The following LRRC39 variants were observed in gnomAD, a reference collection of about 807,000 sequenced individuals.
LRRC39 encodes the protein leucine-rich repeat-containing protein 39.
LRRC39 carries 35 observed loss-of-function variants against 39.7 expected under a neutral mutation model. The ratio of observed to expected loss-of-function variants is 0.88; its 90% CI spans 0.67 to 1.17. The LOEUF is 1.17. Among genes scored for constraint, LRRC39 ranks in the 50% most tolerant of loss-of-function variants. The pLI, the probability that LRRC39 is intolerant of heterozygous loss-of-function variation, is 0.00. For synonymous variants in LRRC39, 113 were observed against 134.1 expected, an observed-to-expected ratio of 0.84 and a Z score of 1.09; for missense variants, 357 against 385.8, an observed-to-expected ratio of 0.93 and a Z score of 0.62.
At chr1:100,149,656 A>G (rs1657759961) in intron 9 of LRRC39, 1 of 373,534 alleles carries the variant, frequency 2.7e-6, no homozygotes, top group African/African-American at 2.2e-5. Flanking sequence ...GGAATAAAAT[A>G]GAAATTAGAT....
intron 2 of LRRC39, 130 bp from the exon 3 acceptor site, chr1:100,168,724 C>A: frequency 2.3e-6 from 1 of 444,238 alleles, no homozygotes; most frequent in Non-Finnish European, 3.9e-6. Context: ...CATGCCATAT[C>A]ATATTTAAAA....
chr1:100,156,567 G>T (rs1319693594), intron 6 of LRRC39, among the ~76,000 whole-genome samples: 1 of 152,194 alleles, frequency 6.6e-6, no homozygotes, highest in Non-Finnish European at 1.5e-5. Context: ...TGGTTTCAGG[G>T]TTTATAGAAT....
At chr1:100,152,573 A>C (rs1288383964) in intron 8 of LRRC39, 49 bp from the exon 9 acceptor site, 2 of 1,581,756 alleles carry the variant, frequency 1.3e-6, no homozygotes, top group Non-Finnish European at 1.7e-6. Flanking sequence ...ATGGAAGTGT[A>C]CATTTATTTC....
chr1:100,162,396 G>A (rs1173585683), intron 3 of LRRC39, among the ~76,000 whole-genome samples: 1 of 152,086 alleles, frequency 6.6e-6, no homozygotes, highest in East Asian at 1.9e-4. Flanking sequence ...GCTCACACCT[G>A]TAATCCCAGC....
rs1324469896 is a variant in LRRC39, at chr1:100,155,190, G to A, written c.673C>T (p.His225Tyr). The part of the protein sequence containing the change: ...PDTIERMQNL[H>Y]TLWLQRNEIT... ...TCATTTCGTTGCAGCCATAACGTATGTAGATTTTGCATTCTGAAAAATTAA... is the reference window on the plus strand; with the variant it reads ...TCATTTCGTTGCAGCCATAACGTATATAGATTTTGCATTCTGAAAAATTAA... Residue 225 changes from histidine (H) to tyrosine (Y), a missense_variant, in exon 8 of 10, where the codon CAT becomes TAT. Transcript: ENST00000370137. 6.3e-7 allele frequency: 1 copy of A among 1,586,636 alleles called. No individual in the cohort carries two copies.
At chr1:100,176,969 G>A (rs12134314) in intron 1 of LRRC39, among the ~76,000 whole-genome samples, 367 of 152,242 alleles carry the variant, frequency 2.4e-3, no homozygotes, top group Non-Finnish European at 4.0e-3. Flanking sequence ...CCACATCTTC[G>A]AAGTGGGGAA....
At chr1:100,173,049 A>T (rs913196842) in intron 2 of LRRC39, among the ~76,000 whole-genome samples, 1 of 151,526 alleles carries the variant, frequency 6.6e-6, no homozygotes, top group Non-Finnish European at 1.5e-5. Context: ...CTGTCTCCAA[A>T]AAAAATAAAA....
chr1:100,164,679 A>G (rs1354753530), intron 3 of LRRC39, among the ~76,000 whole-genome samples: 3 of 151,948 alleles, frequency 2.0e-5, no homozygotes, highest in Non-Finnish European at 4.4e-5. Context: ...TGCGTCAGTT[A>G]TGATTGTTTA....
At chr1:100,171,065 A>T (rs1659568002) in intron 2 of LRRC39, among the ~76,000 whole-genome samples, 1 of 152,228 alleles carries the variant, frequency 6.6e-6, no homozygotes, top group South Asian at 2.1e-4. Flanking sequence ...TTTAAACTAC[A>T]TGCCTCTAAT....
Position 100,158,303 on chromosome 1 carries a change from T to G in LRRC39, c.441A>C (p.Glu147Asp). ...TCTCCAAGCTGGCACAATTACTTAG[T>G]TCCTTGGGGACAGTCTTGATTTTGT... ...SYNKIKTVPK[E>D]LSNCASLEKL... The change falls in exon 6 of 10, where the codon GAA becomes GAC. Residue 147 changes from glutamate to aspartate, a missense_variant. Physicochemically the swap from Glu to Asp is conservative, Grantham distance 45. Coordinates refer to ENST00000370137, the MANE Select transcript of LRRC39 (RefSeq NM_144620.4). The G allele has an allele frequency of 1.2e-6, 2 of 1,614,046 alleles. No individual in the cohort carries two copies. Among genetic ancestry groups the G allele is most frequent in the Non-Finnish European group, 1.7e-6 (2 of 1,179,928 alleles).
intron 3 of LRRC39, among the ~76,000 whole-genome samples, chr1:100,167,420 T>A (rs1201053336): frequency 6.6e-6 from 1 of 152,124 alleles, no homozygotes; most frequent in Non-Finnish European, 1.5e-5. Context: ...CCATCTTTAG[T>A]TGAATTTTTT....
Position 100,156,254 on chromosome 1 carries a change from G to T in LRRC39, c.577C>A (p.Leu193Ile). 1 of 1,614,062 alleles carries T rather than the reference G, an allele frequency of 6.2e-7. No individual in the cohort carries two copies. Among genetic ancestry groups the T allele is most frequent in the Non-Finnish European group, 8.5e-7 (1 of 1,179,946 alleles). ...LSMNDFTTIP[L>I]AVLNMPALEW... is the part of the protein sequence containing the mutation. ...AGGGCAGGCATGTTCAACACAGCAA[G>T]AGGGATTGTAGTAAAATCGTTCATA... Residue 193 changes from leucine (L) to isoleucine (I), a missense_variant, in exon 7 of 10, where the codon CTT becomes ATT. Coordinates refer to ENST00000370137, the MANE Select transcript of LRRC39 (RefSeq NM_144620.4).
At chr1:100,155,253 G>C in intron 7 of LRRC39, 50 bp from the exon 8 acceptor site, 2 of 1,439,404 alleles carry the variant, frequency 1.4e-6, no homozygotes, top group Non-Finnish European at 1.8e-6. Flanking sequence ...TGAAAATATT[G>C]GTTTTGGAGT....
chr1:100,167,859 G>T (rs1469488253), intron 3 of LRRC39, among the ~76,000 whole-genome samples: 2 of 150,388 alleles, frequency 1.3e-5, no homozygotes, highest in African/African-American at 4.9e-5. Flanking sequence ...GAATTGTATG[G>T]AACTATATGC....
At chr1:100,174,726 A>G (rs1659845036) in intron 1 of LRRC39, among the ~76,000 whole-genome samples, 1 of 152,244 alleles carries the variant, frequency 6.6e-6, no homozygotes, top group Non-Finnish European at 1.5e-5. Flanking sequence ...AGGTGACAAT[A>G]TAGGACTTAT....
chr1:100,161,651 C>T (rs1372905458), intron 3 of LRRC39, among the ~76,000 whole-genome samples: 2 of 152,036 alleles, frequency 1.3e-5, no homozygotes, highest in Non-Finnish European at 2.9e-5. Context: ...TTATGTTTAA[C>T]ATTTTTCTTT....
intron 4 of LRRC39, 139 bp downstream of exon 4, chr1:100,160,327 T>C (rs1177645387): frequency 1.8e-6 from 1 of 565,690 alleles, no homozygotes; most frequent in Admixed American, 3.6e-5. Flanking sequence ...CAGTTGCACA[T>C]GTTGCTCAAA....
rs1180105352 is a variant in LRRC39, at chr1:100,168,454, T to A, written c.63A>T (p.Arg21Ser). 1 of 1,612,868 alleles carries A rather than the reference T, an allele frequency of 6.2e-7. No individual in the cohort carries two copies. Among genetic ancestry groups the A allele is most frequent in the Admixed American group, 1.7e-5 (1 of 59,738 alleles). ...VNAVKEVWEK[R>S]IKKLNEDLKR... ...TCAGGTCTTCATTGAGTTTCTTTAT[T>A]CTTTTTTCCCAAACTTCCTTTACAG... Residue 21 changes from arginine to serine, a missense_variant, in exon 3 of 10, where the codon AGA (arginine) becomes AGT (serine). Arg to Ser is a moderately radical substitution (Grantham distance 110). Coordinates refer to ENST00000370137, the MANE Select transcript of LRRC39 (RefSeq NM_144620.4).
intron 6 of LRRC39, 51 bp from the exon 7 acceptor site, chr1:100,156,368 C>T: frequency 1.3e-6 from 2 of 1,514,264 alleles, no homozygotes; most frequent in Non-Finnish European, 9.0e-7. Flanking sequence ...ATGTAAACTA[C>T]TAAAAGACTC....
Sources: allele counts gnomAD v4.1 joint callset (sites outside exome capture counted in the v4.1 genomes callset), GRCh38; gene constraint gnomAD v4.1.1; transcripts MANE v1.5; gene names NCBI Gene and HGNC (gene_info 2026-07-23, HGNC 2026-07-21).